MMP16: variants seen among roughly 807,000 people sequenced by gnomAD.
MMP16 encodes the protein matrix metalloproteinase-16.
MMP16 carries 12 observed loss-of-function variants against 67.8 expected under a neutral mutation model. The observed-to-expected ratio is 0.18, with a 90% CI of 0.11 to 0.29. The LOEUF is 0.29. MMP16 is among the 10% of genes least tolerant of loss of function. The probability of loss-of-function intolerance (pLI) is 1.00; values close to 1 mark genes in which losing one functional copy is unlikely to be tolerated. For synonymous variants in MMP16, 249 were observed against 255.9 expected (o/e 0.97, Z 0.26); for missense variants, 475 against 765.7 (o/e 0.62, Z 4.48).
intron 6 of MMP16, among the ~76,000 whole-genome samples, chr8:88,105,046 A>G (rs891798800): frequency 6.6e-6 from 1 of 151,484 alleles, no homozygotes; most frequent in Non-Finnish European, 1.5e-5. Flanking sequence ...CTTCACATTC[A>G]GTCATCATTT....
intron 4 of MMP16, among the ~76,000 whole-genome samples, chr8:88,166,331 CTG>C (rs921617313): frequency 2.6e-5 from 4 of 151,924 alleles, no homozygotes; most frequent in African/African-American, 9.7e-5. Context: ...ACAATAAAAA[CTG>C]GGGATATGGC....
chr8:88,100,150 T>C (rs62525897), intron 6 of MMP16, among the ~76,000 whole-genome samples: 27,931 of 151,976 alleles, frequency 0.18, 3,004 homozygotes, highest in Middle Eastern at 0.26. Context: ...GTTTTAGACA[T>C]GAAGTCCTTA....
intron 4 of MMP16, among the ~76,000 whole-genome samples, chr8:88,119,308 T>C (rs969124808): frequency 6.6e-6 from 1 of 152,096 alleles, no homozygotes; most frequent in African/African-American, 2.4e-5. Context: ...GGCATGAAGA[T>C]GACAAGTCTT....
At chr8:88,230,778 G>C (rs1264820732) in intron 1 of MMP16, among the ~76,000 whole-genome samples, 2 of 152,020 alleles carry the variant, frequency 1.3e-5, no homozygotes, top group African/African-American at 2.4e-5. Context: ...TCTTATAAAT[G>C]CTGGATAAAC....
chr8:88,051,926 G>A (rs950355579), intron 8 of MMP16, among the ~76,000 whole-genome samples: 2 of 152,048 alleles, frequency 1.3e-5, no homozygotes, highest in East Asian at 3.9e-4. Flanking sequence ...TTAACAAAAG[G>A]GCAAGTAGGA....
chr8:88,230,781 G>A (rs1488334614), intron 1 of MMP16, among the ~76,000 whole-genome samples: 1 of 152,006 alleles, frequency 6.6e-6, no homozygotes, highest in African/African-American at 2.4e-5. Context: ...TATAAATGCT[G>A]GATAAACAAG....
Position 88,041,705 on chromosome 8 carries a change from T to G in MMP16, c.1580A>C (p.Lys527Thr). The G allele has an allele frequency of 6.2e-7, 1 of 1,614,056 alleles. No homozygotes were observed. The highest frequency in any genetic ancestry group is 8.5e-7 in the Non-Finnish European group (1 of 1,179,988). The change falls in exon 10 of 10, where the codon AAG becomes ACG. Residue 527 changes from lysine (K) to threonine (T), a missense_variant. This residue lies in a region of MMP16 where 23 missense variants were observed against 79.1 expected (regional missense o/e 0.29). Transcript: ENST00000286614. This position sits in a 1 kb window ranked among gnomAD's most constrained non-coding sequence, Gnocchi z 6.0. ...VEPGYPRSIL[K>T]DFMGCDGPTD... Reference sequence around the variant, plus strand: ...TGGTCCATCACAGCCCATAAAATCCTTGAGGATGGATCTTGGATATCCAGG... The same window carrying G: ...TGGTCCATCACAGCCCATAAAATCCGTGAGGATGGATCTTGGATATCCAGG...
At chr8:88,081,111 A>G (rs1808744090) in intron 6 of MMP16, among the ~76,000 whole-genome samples, 1 of 152,014 alleles carries the variant, frequency 6.6e-6, no homozygotes, top group Non-Finnish European at 1.5e-5. Context: ...ACAGGTAGCT[A>G]TGTACATCTG....
intron 1 of MMP16, among the ~76,000 whole-genome samples, chr8:88,247,146 A>T (rs1810126331): frequency 6.6e-6 from 1 of 152,154 alleles, no homozygotes; most frequent in East Asian, 1.9e-4. Flanking sequence ...GGGCACGGTC[A>T]ACATTCATTG....
chr8:88,138,199 T>C (rs963090153), intron 4 of MMP16, among the ~76,000 whole-genome samples: 1 of 151,950 alleles, frequency 6.6e-6, no homozygotes, highest in African/African-American at 2.4e-5. Flanking sequence ...TTTTCATCTA[T>C]ATTCATCCTA....
intron 1 of MMP16, among the ~76,000 whole-genome samples, chr8:88,233,473 A>C (rs1049952207): frequency 6.6e-6 from 1 of 152,148 alleles, no homozygotes; most frequent in African/African-American, 2.4e-5. Context: ...ATCTCCTTTG[A>C]TCAATCCCAA....
At chr8:88,225,710 A>G (rs1377935553) in intron 1 of MMP16, among the ~76,000 whole-genome samples, 1 of 151,640 alleles carries the variant, frequency 6.6e-6, no homozygotes, top group African/African-American at 2.4e-5. Context: ...ATATATAAAT[A>G]TTTAAAAGTT....
At chr8:88,112,455 T>G (rs1809352778) in intron 6 of MMP16, among the ~76,000 whole-genome samples, 1 of 151,828 alleles carries the variant, frequency 6.6e-6, no homozygotes, top group South Asian at 2.1e-4. Context: ...CTTGCTGTTG[T>G]CAGCTTAGTT....
At chr8:88,265,223 CTTTTTTTTTTT>C (rs398008661) in intron 1 of MMP16, among the ~76,000 whole-genome samples, 3 of 100,760 alleles carry the variant, frequency 3.0e-5, no homozygotes, top group South Asian at 3.7e-4. Flanking sequence ...TGACCATTTC[CTTTTTTTTTTT>C]TTTTTTTTTC....
chr8:88,183,911 A>T (rs540638801), intron 3 of MMP16, among the ~76,000 whole-genome samples: 29 of 149,274 alleles, frequency 1.9e-4, no homozygotes, highest in South Asian at 8.4e-4. Context: ...GTATTTATTT[A>T]TTTTTTTTTA....
intron 4 of MMP16, among the ~76,000 whole-genome samples, chr8:88,127,105 T>C (rs2118460842): frequency 6.6e-6 from 1 of 151,956 alleles, no homozygotes; most frequent in African/African-American, 2.4e-5. Context: ...GTTCTGACTT[T>C]ACCAAAACTA....
At chr8:88,154,161 T>G (rs1169020510) in intron 4 of MMP16, among the ~76,000 whole-genome samples, 1 of 113,432 alleles carries the variant, frequency 8.8e-6, no homozygotes, top group African/African-American at 3.5e-5. Flanking sequence ...TCAAAACCAC[T>G]ATGAGATATC....
intron 4 of MMP16, among the ~76,000 whole-genome samples, chr8:88,130,558 T>C (rs1224711941): frequency 6.6e-6 from 1 of 151,936 alleles, no homozygotes; most frequent in Admixed American, 6.6e-5. Context: ...ATATTTAAAT[T>C]ATTTCAGTGT....
Position 88,034,186 on chromosome 8 carries a change from C to T in MMP16, c.*7275G>A, listed in dbSNP as rs1215674516. ...TTTCCTGGGTACCATCTCTGATGTACAATGCTGCTCAATTCTGGTTTTCAC... is the reference window on the plus strand; with the variant it reads ...TTTCCTGGGTACCATCTCTGATGTATAATGCTGCTCAATTCTGGTTTTCAC... On this transcript the variant is annotated 3_prime_UTR_variant, in exon 10 of 10. Coordinates refer to ENST00000286614, the MANE Select transcript of MMP16 (RefSeq NM_005941.5). The T allele has an allele frequency of 7.2e-6, 1 of 139,658 alleles. No homozygotes were observed. Among genetic ancestry groups the T allele is most frequent in the Non-Finnish European group, 1.5e-5 (1 of 65,208 alleles). The allele number at this position is 139,658 out of a possible 1,614,324, so 8.7% of individuals were successfully genotyped here. A position where few individuals can be genotyped will look rare whatever the true frequency, so the allele number is the denominator to read the frequency against.
Sources: allele counts gnomAD v4.1 joint callset (sites outside exome capture counted in the v4.1 genomes callset), GRCh38; gene constraint gnomAD v4.1.1; regional missense constraint gnomAD v4.1.1; non-coding constraint Gnocchi (gnomAD v3.1); transcripts MANE v1.5; gene names NCBI Gene and HGNC (gene_info 2026-07-23, HGNC 2026-07-21).